Variants in HDAC4 observed in about 807,000 individuals in gnomAD.
The protein encoded by HDAC4 is histone deacetylase A.
In HDAC4, 16 loss-of-function variants were observed where a neutral mutation model predicts 135.1. That is an observed-to-expected ratio of 0.12 (90% CI 0.08 to 0.18). The LOEUF (loss-of-function observed/expected upper bound fraction) is 0.18. Among genes scored for constraint, HDAC4 ranks in the 10% least tolerant of loss-of-function variants. HDAC4 has a pLI of 1.00. For missense variants in HDAC4, 1,143 were observed against 1,511.8 expected, an observed-to-expected ratio of 0.76 and a Z score of 4.05; for synonymous variants, 685 against 653.4, an observed-to-expected ratio of 1.05 and a Z score of -0.74.
chr2:239,345,257 G>A (rs1692534203), intron 2 of HDAC4, among the ~76,000 whole-genome samples: 1 of 152,124 alleles, frequency 6.6e-6, no homozygotes, highest in Non-Finnish European at 1.5e-5. Flanking sequence ...TTAAAACTTT[G>A]TAGTACTCCT....
At position 239,285,408 on chromosome 2, in the gene HDAC4, C is replaced by G. The variant is rs1268079236; in HGVS notation, c.23-48744G>C. ...CACTTCCTGGGTAAGGAAGGAGAAGCCTTACAGCAAGGGGTTCCACCGAGG... is the reference window on the plus strand; with the variant it reads ...CACTTCCTGGGTAAGGAAGGAGAAGGCTTACAGCAAGGGGTTCCACCGAGG... On this transcript the variant is annotated intron_variant, in intron 2 of 26. Transcript: ENST00000543185. The surrounding 1 kb of genome is among the most constrained non-coding windows in gnomAD (Gnocchi z 4.5). 6.6e-6 allele frequency among the ~76,000 whole-genome samples: 1 copy of G among 152,180 alleles called. No homozygotes were observed. The highest frequency in any genetic ancestry group is 6.5e-5 in the Admixed American group (1 of 15,284).
At chr2:239,247,341 C>T (rs912714425) in intron 2 of HDAC4, among the ~76,000 whole-genome samples, 1 of 152,206 alleles carries the variant, frequency 6.6e-6, no homozygotes, top group African/African-American at 2.4e-5. Context: ...ACGTAGAACC[C>T]GTGTGGGAGG....
intron 3 of HDAC4, among the ~76,000 whole-genome samples, chr2:239,206,943 T>C (rs200861717): frequency 6.6e-6 from 1 of 152,190 alleles, no homozygotes; most frequent in South Asian, 2.1e-4. Context: ...TAGAATGTTA[T>C]TGATGAAATG....
At chr2:239,127,523 G>A (rs2040277157) in intron 11 of HDAC4, among the ~76,000 whole-genome samples, 1 of 152,142 alleles carries the variant, frequency 6.6e-6, no homozygotes, top group East Asian at 1.9e-4. Flanking sequence ...AGGATCTAAC[G>A]AACCCTCTGT....
chr2:239,089,331 T>C (rs2036274863), intron 18 of HDAC4, among the ~76,000 whole-genome samples: 2 of 152,218 alleles, frequency 1.3e-5, no homozygotes, highest in Admixed American at 6.5e-5. Context: ...TACTTTTTAA[T>C]TTTTTAGTTT....
Position 239,236,866 on chromosome 2 carries a change from T to A in HDAC4, c.23-202A>T, listed in dbSNP as rs541185563. 7.5e-4 allele frequency among the ~76,000 whole-genome samples: 109 copies of A among 145,862 alleles called. 1 individual carries two copies. The highest frequency in any genetic ancestry group is 2.6e-3 in the African/African-American group (100 of 38,042). On this transcript the variant is annotated intron_variant, in intron 2 of 26. Coordinates refer to ENST00000543185, the MANE Select transcript of HDAC4 (RefSeq NM_001378414.1). ...TAATCAAAATAGCCTCCTACTGAGA[T>A]ATGGCAAACGCCCGTTTCTGGCCTA...
intron 5 of HDAC4, among the ~76,000 whole-genome samples, chr2:239,172,286 G>GAAAA (rs1352369078): frequency 1.1e-4 from 10 of 89,174 alleles, no homozygotes; most frequent in Middle Eastern, 5.6e-3. Flanking sequence ...CCAAGCTGGT[G>GAAAA]AAAAAAAATA....
chr2:239,120,708 G>A (rs894537136), intron 12 of HDAC4, among the ~76,000 whole-genome samples: 3 of 151,978 alleles, frequency 2.0e-5, no homozygotes, highest in Non-Finnish European at 1.5e-5. Flanking sequence ...GACCGAAGTG[G>A]TGTGCCTGCC....
intron 3 of HDAC4, among the ~76,000 whole-genome samples, chr2:239,223,852 G>GT (rs1455689659): frequency 3.7e-4 from 55 of 147,710 alleles, no homozygotes; most frequent in African/African-American, 1.4e-3. Context: ...AGCAAACATT[G>GT]TTTAAAAAAA....
intron 16 of HDAC4, among the ~76,000 whole-genome samples, chr2:239,099,734 A>G (rs541599024): frequency 6.6e-6 from 1 of 152,272 alleles, no homozygotes; most frequent in Non-Finnish European, 1.5e-5. Context: ...CTTCTCCCCA[A>G]GGAGCGCGTG....
chr2:239,077,664 A>G lies in HDAC4; in HGVS notation c.2750+3431T>C, dbSNP rs146941035. On this transcript the variant is annotated intron_variant, in intron 22 of 26. Transcript: ENST00000543185. ...AAAAGAAGGTGGCACGGTCTGTATG[A>G]AAACTTCATAACCCTGACTTCCTCA... is the stretch of plus-strand genomic sequence containing the variant. 1.8e-3 allele frequency among the ~76,000 whole-genome samples: 268 copies of G among 152,366 alleles called. 2 individuals are homozygous for G. The highest frequency in any genetic ancestry group is 6.2e-3 in the African/African-American group (258 of 41,592).
intron 3 of HDAC4, among the ~76,000 whole-genome samples, chr2:239,233,854 T>C (rs1168142522): frequency 6.6e-6 from 1 of 152,226 alleles, no homozygotes; most frequent in Non-Finnish European, 1.5e-5. Flanking sequence ...CAATTGAGTG[T>C]GTGTGTGTAT....
intron 12 of HDAC4, among the ~76,000 whole-genome samples, chr2:239,124,600 A>T (rs1278391559): frequency 8.3e-6 from 1 of 120,878 alleles, no homozygotes; most frequent in East Asian, 2.3e-4. Flanking sequence ...ACGTCATTCC[A>T]CGTTATATGA....
intron 11 of HDAC4, among the ~76,000 whole-genome samples, chr2:239,131,072 G>A (rs2040546101): frequency 6.6e-6 from 1 of 152,264 alleles, no homozygotes; most frequent in African/African-American, 2.4e-5. Flanking sequence ...TGAGTCCACA[G>A]TGACCACGTG....
intron 3 of HDAC4, among the ~76,000 whole-genome samples, chr2:239,223,295 G>C (rs1415844001): frequency 1.3e-5 from 2 of 152,192 alleles, no homozygotes; most frequent in African/African-American, 4.8e-5. Context: ...CCAAGGACGA[G>C]GCCTGAAGGA....
At chr2:239,096,424 C>T (rs1199339049) in intron 16 of HDAC4, among the ~76,000 whole-genome samples, 6 of 141,182 alleles carry the variant, frequency 4.2e-5, no homozygotes, top group African/African-American at 8.0e-5. Flanking sequence ...CACCCCACCA[C>T]GGACGACTGC....
At chr2:239,387,658 G>A (rs1405089559) in intron 1 of HDAC4, among the ~76,000 whole-genome samples, 1 of 152,220 alleles carries the variant, frequency 6.6e-6, no homozygotes, top group Non-Finnish European at 1.5e-5. Flanking sequence ...CAGGGATACT[G>A]CAATTCTGAT....
intron 3 of HDAC4, among the ~76,000 whole-genome samples, chr2:239,199,152 G>A (rs116659888): frequency 0.047 from 6,838 of 145,838 alleles, 229 homozygotes; most frequent in Non-Finnish European, 0.072. Context: ...TGAAGACATC[G>A]GGTCATCTGC....
intron 18 of HDAC4, among the ~76,000 whole-genome samples, chr2:239,088,250 C>G (rs145936163): frequency 6.6e-6 from 1 of 152,368 alleles, no homozygotes; most frequent in East Asian, 1.9e-4. Context: ...GGATTCCAGT[C>G]CTCTCCTGGT....
Sources: allele counts gnomAD v4.1 joint callset (sites outside exome capture counted in the v4.1 genomes callset), GRCh38; gene constraint gnomAD v4.1.1; non-coding constraint Gnocchi (gnomAD v3.1); transcripts MANE v1.5; gene names NCBI Gene and HGNC (gene_info 2026-07-23, HGNC 2026-07-21).